The following TREM2 variants were observed in gnomAD, a reference collection of about 807,000 sequenced individuals.
TREM2 encodes triggering receptor expressed on monocytes 2.
In TREM2, 20 loss-of-function variants were observed where a neutral mutation model predicts 22.9. The observed-to-expected ratio is 0.87, with a 90% CI of 0.61 to 1.27. The LOEUF is 1.27. TREM2 is among the 50% of genes most tolerant of loss of function. The probability of loss-of-function intolerance (pLI) is 0.00; values close to 1 mark genes in which losing one functional copy is unlikely to be tolerated. For missense variants in TREM2, 267 were observed against 289.0 expected (o/e 0.92, Z 0.55); for synonymous variants, 111 against 120.9 (o/e 0.92, Z 0.54).
intron 1 of TREM2, among the ~76,000 whole-genome samples, 180 bp from the exon 2 acceptor site, chr6:41,161,793 T>C (rs1192820396): frequency 6.6e-6 from 1 of 152,222 alleles, no homozygotes; most frequent in African/African-American, 2.4e-5. Context: ...ACCTGGGACC[T>C]GGGTTTGGTT....
At chr6:41,160,632 A>G (rs1174186718) in intron 2 of TREM2, among the ~76,000 whole-genome samples, 1 of 152,092 alleles carries the variant, frequency 6.6e-6, no homozygotes. Context: ...CAGTAGCAGG[A>G]GGCTTGGAGC....
At chr6:41,162,064 C>T (rs1765580899) in intron 1 of TREM2, among the ~76,000 whole-genome samples, 1 of 152,304 alleles carries the variant, frequency 6.6e-6, no homozygotes, top group East Asian at 1.9e-4. Flanking sequence ...GGCTTTGTTC[C>T]CCTTTCAGGA....
chr6:41,158,959 G>A lies in TREM2; in HGVS notation c.590C>T (p.Ala197Val), dbSNP rs768572417. The A allele has an allele frequency of 5.0e-6, 8 of 1,614,236 alleles. No individual in the cohort carries two copies. The Admixed American group carries it at 6.7e-5, about 13-fold the overall frequency. Residue 197 changes from alanine to valine, a missense_variant, in exon 4 of 5, where the codon GCC becomes GTC. Physicochemically the swap from Ala to Val is moderately conservative, Grantham distance 64. Transcript: ENST00000373113. The stretch of plus-strand genomic sequence containing the variant: ...TGTCCCTGGCTTCTGTCCATGCCAG[G>A]CTGCAGCCCAGAGGGCGCTGGCTGC... ...ILAASALWAA[A>V]WHGQKPGTHP...
In TREM2 at chr6:41,159,159, G is replaced by C. The variant is rs1765494830; in HGVS notation, c.483-93C>G. 1.4e-5 allele frequency: 21 copies of C among 1,485,984 alleles called. No individual in the cohort carries two copies. In the South Asian group the frequency reaches 2.5e-4, roughly 18 times the overall value. The allele number at this position is 1,485,984 out of a possible 1,614,324, so 92.0% of individuals were successfully genotyped here. A position where few individuals can be genotyped will look rare whatever the true frequency, so the allele number is the denominator to read the frequency against. ...ATGGGGAGAAACCAGGAGCTTCTAGGACCTCAGCAAATCCCACCCAGCACC... is the reference window on the plus strand; with the variant it reads ...ATGGGGAGAAACCAGGAGCTTCTAGCACCTCAGCAAATCCCACCCAGCACC... On this transcript the variant is annotated intron_variant, in intron 3 of 4. Transcript: ENST00000373113.
chr6:41,159,505 C>T (rs972441575), intron 3 of TREM2, among the ~76,000 whole-genome samples: 2 of 152,092 alleles, frequency 1.3e-5, no homozygotes, highest in Non-Finnish European at 1.5e-5. Flanking sequence ...ATGGGGATGT[C>T]TGGGGGCTGC....
rs1765486274 is a variant in TREM2 at position 41,158,885 on chromosome 6, G to A, written c.664C>T (p.Gln222Ter). 1 of 1,614,108 alleles carries A rather than the reference G, an allele frequency of 6.2e-7. No individual in the cohort carries two copies. The highest frequency in any genetic ancestry group is 1.3e-5 in the African/African-American group (1 of 74,942). The change falls in exon 4 of 5, where the codon CAA becomes TAA. Residue 222 changes from glutamine (Q) to a stop codon, truncating the protein, a stop_gained. Coordinates refer to ENST00000373113, the MANE Select transcript of TREM2 (RefSeq NM_018965.4). LOFTEE classifies it high-confidence loss of function. ...TCTCCAAGCCCACCTGGCAGAGTTT[G>A]GAGCTGATACCCTGGGTCATGGCCA... Reference protein sequence around the residue: ...DCGHDPGYQLQTLPGLRDT With the variant: ...DCGHDPGYQL
intron 3 of TREM2, among the ~76,000 whole-genome samples, chr6:41,159,550 T>C (rs1278273424): frequency 6.6e-6 from 1 of 152,186 alleles, no homozygotes; most frequent in African/African-American, 2.4e-5. Context: ...TCAGGAGTCG[T>C]AGAGCAACTG....
chr6:41,159,024 G>A lies in TREM2; in HGVS notation c.525C>T (p.Ile175=). The part of the protein sequence containing the change: ...EGEIPFPPTS[I]LLLLACIFLI... Reference sequence around the variant, plus strand: ...GAAAGATGCAGGCCAGGAGGAGAAGGATGGAAGTGGGTGGGAAGGGGATTT... The same window carrying A: ...GAAAGATGCAGGCCAGGAGGAGAAGAATGGAAGTGGGTGGGAAGGGGATTT... The change falls in exon 4 of 5, where the codon ATC becomes ATT. Residue 175 remains isoleucine (I), a synonymous_variant. Coordinates refer to ENST00000373113, the MANE Select transcript of TREM2 (RefSeq NM_018965.4). The A allele has an allele frequency of 6.2e-7, 1 of 1,614,190 alleles. No individual in the cohort carries two copies. Among genetic ancestry groups the A allele is most frequent in the Non-Finnish European group, 8.5e-7 (1 of 1,180,022 alleles).
chr6:41,160,685 C>A (rs920003620), intron 2 of TREM2, among the ~76,000 whole-genome samples: 8 of 152,180 alleles, frequency 5.3e-5, no homozygotes, highest in African/African-American at 1.2e-4. Flanking sequence ...CAAATAAAAA[C>A]TCACAGGAAC....
At chr6:41,159,682 G>C in intron 3 of TREM2, 110 bp downstream of exon 3, 1 of 923,656 alleles carries the variant, frequency 1.1e-6, no homozygotes, top group South Asian at 1.4e-5. Flanking sequence ...GGGCCCTTCA[G>C]GCTCTAGTTG....
rs1368401958 is a variant in TREM2, at chr6:41,161,245, C to A, written c.391+18G>T. On this transcript the variant is annotated intron_variant, in intron 2 of 4. Transcript: ENST00000373113. Reference sequence around the variant, plus strand: ...CTGGAACAGGGGCAGGCCAGAGAGGCAGCCACTGCCCACTCACCTGCCAGC... The same window carrying A: ...CTGGAACAGGGGCAGGCCAGAGAGGAAGCCACTGCCCACTCACCTGCCAGC... 1.9e-6 allele frequency: 3 copies of A among 1,607,972 alleles called. No individual in the cohort carries two copies. The highest frequency in any genetic ancestry group is 2.2e-5 in the South Asian group (2 of 90,742).
Position 41,158,578 on chromosome 6 carries a change from G to GT in TREM2, c.*185dup. On this transcript the variant is annotated 3_prime_UTR_variant, in exon 5 of 5. Coordinates refer to ENST00000373113, the MANE Select transcript of TREM2 (RefSeq NM_018965.4). ...ATGTCCAATATTCAGAAGTTGTCAG[G>GT]TGTTCTTACCACCTCCCCACTCCCT... 1 of 1,547,802 alleles carries GT rather than the reference G, an allele frequency of 6.5e-7. No individual in the cohort carries two copies. The highest frequency in any genetic ancestry group is 8.7e-7 in the Non-Finnish European group (1 of 1,143,896).
chr6:41,158,598 C>T lies in TREM2; in HGVS notation c.*166G>A. On this transcript the variant is annotated 3_prime_UTR_variant, in exon 5 of 5. Coordinates refer to ENST00000373113, the MANE Select transcript of TREM2 (RefSeq NM_018965.4). ...GTCAGGTGTTCTTACCACCTCCCCA[C>T]TCCCTCAACCAGTCCCTGCTTCCAG... 1 of 1,560,700 alleles carries T rather than the reference C, an allele frequency of 6.4e-7. No homozygotes were observed. Among genetic ancestry groups the T allele is most frequent in the Non-Finnish European group, 8.7e-7 (1 of 1,151,258 alleles).
chr6:41,161,748 A>G (rs1765573612), intron 1 of TREM2, 135 bp from the exon 2 acceptor site: 2 of 763,706 alleles, frequency 2.6e-6, no homozygotes, highest in Non-Finnish European at 4.4e-6. Context: ...AGCGGATGGC[A>G]CAGCATGTGT....
chr6:41,162,067 T>C (rs1765581017), intron 1 of TREM2, among the ~76,000 whole-genome samples: 1 of 152,190 alleles, frequency 6.6e-6, no homozygotes, highest in African/African-American at 2.4e-5. Context: ...TTTGTTCCCC[T>C]TTCAGGAAGG....
At position 41,158,973 on chromosome 6, in the gene TREM2, G is replaced by A. The variant is rs1214159138; in HGVS notation, c.576C>T (p.Ala192=). 3 of 1,614,212 alleles carry A rather than the reference G, an allele frequency of 1.9e-6. No homozygotes were observed. Among genetic ancestry groups the A allele is most frequent in the Non-Finnish European group, 2.5e-6 (3 of 1,180,040 alleles). ...GTCCATGCCAGGCTGCAGCCCAGAG[G>A]GCGCTGGCTGCTAGAATCTTGATGA... ...IFLIKILAAS[A]LWAAAWHGQK... The change falls in exon 4 of 5, where the codon GCC becomes GCT. Residue 192 remains alanine (A), a synonymous_variant. Coordinates refer to ENST00000373113, the MANE Select transcript of TREM2 (RefSeq NM_018965.4).
Position 41,159,033 on chromosome 6 carries a change from G to T in TREM2, c.516C>A (p.Pro172=). 1.2e-6 allele frequency: 2 copies of T among 1,613,994 alleles called. No individual in the cohort carries two copies. Among genetic ancestry groups the T allele is most frequent in the Non-Finnish European group, 1.7e-6 (2 of 1,179,944 alleles). Residue 172 remains proline (P), a synonymous_variant, in exon 4 of 5, where the codon CCC becomes CCA. Coordinates refer to ENST00000373113, the MANE Select transcript of TREM2 (RefSeq NM_018965.4). ...SLLEGEIPFP[P]TSILLLLACI... is the part of the protein sequence containing the mutation. ...AGGCCAGGAGGAGAAGGATGGAAGT[G>T]GGTGGGAAGGGGATTTCTCCTTCCA...
chr6:41,158,823 C>T lies in TREM2; in HGVS notation c.677-43G>A, dbSNP rs756962585. 38 of 1,614,094 alleles carry T rather than the reference C, an allele frequency of 2.4e-5. No homozygotes were observed. In the South Asian group the frequency reaches 4.0e-4, roughly 17 times the overall value. On this transcript the variant is annotated intron_variant, in intron 4 of 4. Coordinates refer to ENST00000373113, the MANE Select transcript of TREM2 (RefSeq NM_018965.4). ...CTCATGTGGCCCCTCTCGGCACCGC[C>T]TCCCATCCCTGCCCAGTCCACCCTT... is the stretch of plus-strand genomic sequence containing the variant.
chr6:41,161,594 G>A lies in TREM2; in HGVS notation c.60C>T (p.Asn20=). The A allele has an allele frequency of 6.2e-7, 1 of 1,613,916 alleles. No homozygotes were observed. Among genetic ancestry groups the A allele is most frequent in the Non-Finnish European group, 8.5e-7 (1 of 1,179,934 alleles). Residue 20 remains asparagine (N), a synonymous_variant, in exon 2 of 5, where the codon AAC becomes AAT. Coordinates refer to ENST00000373113, the MANE Select transcript of TREM2 (RefSeq NM_018965.4). ...LFVTELSGAH[N]TTVFQGVAGQ... ...CCGCCACGCCCTGGAACACTGTGGT[G>A]TTGTGGGCTCCGGACAGCTCTGGGG...
Sources: allele counts gnomAD v4.1 joint callset (sites outside exome capture counted in the v4.1 genomes callset), GRCh38; gene constraint gnomAD v4.1.1; transcripts MANE v1.5; gene names NCBI Gene and HGNC (gene_info 2026-07-23, HGNC 2026-07-21).